Variants in TEX9 observed in about 807,000 individuals in gnomAD.
TEX9 encodes testis-expressed protein 9.
TEX9 carries 74 observed loss-of-function variants against 59.6 expected under a neutral mutation model. The observed-to-expected ratio is 1.24, with a 90% CI of 1.03 to 1.51. TEX9 has a LOEUF of 1.51. Ranked by LOEUF, TEX9 falls within the 40% of genes most tolerant of loss-of-function variation. The probability of loss-of-function intolerance (pLI) is 0.00; values close to 1 mark genes in which losing one functional copy is unlikely to be tolerated. For missense variants in TEX9, 522 were observed against 447.8 expected (o/e 1.17, Z -1.49); for synonymous variants, 186 against 152.2 (o/e 1.22, Z -1.64).
intron 1 of TEX9, among the ~76,000 whole-genome samples, chr15:56,301,795 G>C (rs1424483379): frequency 6.6e-6 from 1 of 152,132 alleles, no homozygotes; most frequent in East Asian, 1.9e-4. Context: ...AATGCTAAAG[G>C]AAGTTCTTCA....
intron 1 of TEX9, among the ~76,000 whole-genome samples, chr15:56,266,410 T>C (rs375834116): frequency 2.6e-5 from 4 of 152,112 alleles, no homozygotes; most frequent in African/African-American, 9.7e-5. Context: ...TGTGCCGTGT[T>C]GGTTTGCTAC....
the TEX9 span, among the ~76,000 whole-genome samples, chr15:56,456,138 C>A: frequency 1.3e-5 from 2 of 151,988 alleles, no homozygotes; most frequent in Non-Finnish European, 2.9e-5. Flanking sequence ...TATAAGAGGT[C>A]ATTTTAAAAT....
intron 1 of TEX9, among the ~76,000 whole-genome samples, chr15:56,279,826 G>A (rs1186728313): frequency 6.6e-6 from 1 of 152,030 alleles, no homozygotes; most frequent in Non-Finnish European, 1.5e-5. Context: ...TATTGTTTGC[G>A]TTCACAAAAT....
the TEX9 span, among the ~76,000 whole-genome samples, chr15:56,460,009 A>AAAAAAAAAAAAAT: frequency 2.5e-3 from 67 of 26,374 alleles, 10 homozygotes; most frequent in African/African-American, 5.1e-3. Context: ...AAAAAAAAAA[A>AAAAAAAAAAAAAT]ATACATATAT....
At chr15:56,366,060 G>C (rs1256477664) in intron 2 of TEX9, among the ~76,000 whole-genome samples, 1 of 152,082 alleles carries the variant, frequency 6.6e-6, no homozygotes, top group Non-Finnish European at 1.5e-5. Flanking sequence ...TTTCCTTTAG[G>C]TTGGTTTCTA....
At chr15:56,400,329 G>A (rs543532654) in intron 9 of TEX9, among the ~76,000 whole-genome samples, 67 of 152,288 alleles carry the variant, frequency 4.4e-4, no homozygotes, top group African/African-American at 1.6e-3. Context: ...CGAAAACTCC[G>A]TGATGCGTGG....
At chr15:56,410,632 A>C (rs2049300986) in intron 9 of TEX9, among the ~76,000 whole-genome samples, 1 of 152,090 alleles carries the variant, frequency 6.6e-6, no homozygotes, top group Non-Finnish European at 1.5e-5. Context: ...TGTGGCTATC[A>C]TTTTTCCCCC....
chr15:56,318,138 T>C (rs75639324), intron 1 of TEX9, among the ~76,000 whole-genome samples: 6,693 of 152,264 alleles, frequency 0.044, 226 homozygotes, highest in Admixed American at 0.087. Flanking sequence ...ATCTTTGCTT[T>C]ATATATTTTG....
chr15:56,316,783 T>A (rs1334871582), intron 1 of TEX9, among the ~76,000 whole-genome samples: 11 of 152,196 alleles, frequency 7.2e-5, no homozygotes, highest in Non-Finnish European at 1.6e-4. Context: ...CTCAGACTGC[T>A]GTGCTAGCAA....
At chr15:56,443,917 TTTG>T in intron 12 of TEX9, 1 of 1,249,478 alleles carries the variant, frequency 8.0e-7, no homozygotes. Flanking sequence ...GTAATTTCAT[TTTG>T]TTCATAATAA....
At chr15:56,376,250 A>G (rs1317041337) in intron 3 of TEX9, among the ~76,000 whole-genome samples, 1 of 152,070 alleles carries the variant, frequency 6.6e-6, no homozygotes, top group Admixed American at 6.5e-5. Flanking sequence ...AGATATATTG[A>G]TTTCCCCTCT....
chr15:56,414,223 T>C (rs1596215349), intron 10 of TEX9, among the ~76,000 whole-genome samples: 1 of 149,874 alleles, frequency 6.7e-6, no homozygotes, highest in African/African-American at 2.5e-5. Context: ...CTCTCCATAT[T>C]CTAGCCAGCC....
chr15:56,270,247 GTTAAAA>G (rs1207565621), intron 1 of TEX9, among the ~76,000 whole-genome samples: 2 of 152,116 alleles, frequency 1.3e-5, no homozygotes, highest in Non-Finnish European at 2.9e-5. Flanking sequence ...ACAGTGGGGT[GTTAAAA>G]TCTCCCATTA....
chr15:56,365,333 G>A, upstream of TEX9: 1 of 1,355,792 alleles, frequency 7.4e-7, no homozygotes, highest in Non-Finnish European at 9.8e-7. Context: ...CGCGCCGCTC[G>A]CAGCACAGAA....
At chr15:56,428,218 TATC>T (rs2050412439) in intron 11 of TEX9, 146 bp from the exon 12 acceptor site, 2 of 563,966 alleles carry the variant, frequency 3.5e-6, no homozygotes, top group Middle Eastern at 4.8e-4. Context: ...CCATTTCAAA[TATC>T]ATGCTTATTG....
intron 3 of TEX9, among the ~76,000 whole-genome samples, chr15:56,381,726 C>T (rs964493846): frequency 2.6e-5 from 4 of 152,212 alleles, no homozygotes; most frequent in Admixed American, 1.3e-4. Context: ...TCTCTCTGTG[C>T]TGAGCTGTCT....
chr15:56,319,504 C>T (rs915751457), intron 1 of TEX9, among the ~76,000 whole-genome samples: 1 of 151,976 alleles, frequency 6.6e-6, no homozygotes, highest in African/African-American at 2.4e-5. Flanking sequence ...TTCTTCTTTC[C>T]ATAATAAAAA....
intron 1 of TEX9, among the ~76,000 whole-genome samples, chr15:56,290,265 G>T (rs780420078): frequency 7.2e-5 from 11 of 152,122 alleles, no homozygotes; most frequent in Admixed American, 3.9e-4. Flanking sequence ...TCTCTCTCAG[G>T]TTCCTCTGTG....
chr15:56,415,589 G>GCCTGTTTTTGTAACAGTA (rs1379044638), intron 10 of TEX9, among the ~76,000 whole-genome samples: 1 of 151,604 alleles, frequency 6.6e-6, no homozygotes, highest in Non-Finnish European at 1.5e-5. Flanking sequence ...TGGTCTATGT[G>GCCTGTTTTTGTAACAGTA]CCTGTTTTTG....
Sources: gnomAD v4.1 joint callset for allele counts (sites outside exome capture counted in the v4.1 genomes callset) on GRCh38, gnomAD v4.1.1 for gene constraint, MANE v1.5 for transcripts, NCBI Gene and HGNC (gene_info 2026-07-23, HGNC 2026-07-21) for gene names.